Variants in FYN observed in about 807,000 individuals in gnomAD.
FYN encodes the protein FYN proto-oncogene, Src family tyrosine kinase.
Under a neutral mutation model 70.2 loss-of-function variants are expected in FYN, and 10 were observed. The ratio of observed to expected loss-of-function variants is 0.14; its 90% CI spans 0.09 to 0.24. The LOEUF is 0.24. FYN is among the 10% of genes least tolerant of loss of function. The probability of loss-of-function intolerance (pLI) is 1.00; values close to 1 mark genes in which losing one functional copy is unlikely to be tolerated. For synonymous variants in FYN, 236 were observed against 248.6 expected, an observed-to-expected ratio of 0.95 and a Z score of 0.48; for missense variants, 319 against 673.1, an observed-to-expected ratio of 0.47 and a Z score of 5.82.
intron 1 of FYN, among the ~76,000 whole-genome samples, chr6:111,870,629 T>G (rs1772282894): frequency 6.6e-6 from 1 of 152,216 alleles, no homozygotes; most frequent in Non-Finnish European, 1.5e-5. Flanking sequence ...AATAGACTCA[T>G]GCGAAACATA....
chr6:111,670,224 T>C (rs1753680501), intron 13 of FYN, among the ~76,000 whole-genome samples: 1 of 152,222 alleles, frequency 6.6e-6, no homozygotes, highest in South Asian at 2.1e-4. Flanking sequence ...TGGGACCTCC[T>C]GCTCCCTCTG....
At chr6:111,729,194 C>G (rs1284937111) in intron 3 of FYN, among the ~76,000 whole-genome samples, 1 of 152,208 alleles carries the variant, frequency 6.6e-6, no homozygotes, top group Non-Finnish European at 1.5e-5. Context: ...GCATACTCGG[C>G]CAGGTGTGGT....
At chr6:111,698,218 C>T (rs995457787) in intron 9 of FYN, among the ~76,000 whole-genome samples, 10 of 152,192 alleles carry the variant, frequency 6.6e-5, no homozygotes, top group Non-Finnish European at 1.2e-4. Context: ...ACCGCAACCT[C>T]CACCTCCCAG....
chr6:111,860,610 T>C (rs1773937487), intron 1 of FYN, among the ~76,000 whole-genome samples: 1 of 152,174 alleles, frequency 6.6e-6, no homozygotes, highest in Non-Finnish European at 1.5e-5. Context: ...AATCAAATAA[T>C]GTTTAGGGTT....
intron 1 of FYN, among the ~76,000 whole-genome samples, chr6:111,864,521 C>T (rs917835863): frequency 6.6e-6 from 1 of 151,888 alleles, no homozygotes; most frequent in African/African-American, 2.4e-5. Context: ...ACTGTCCTAC[C>T]CAGCTGGTTC....
At chr6:111,683,279 C>T (rs1472417342) in intron 12 of FYN, among the ~76,000 whole-genome samples, 1 of 152,216 alleles carries the variant, frequency 6.6e-6, no homozygotes. Context: ...GAGAGGCAGC[C>T]GCATTGGAAT....
intron 3 of FYN, among the ~76,000 whole-genome samples, chr6:111,725,568 GA>G (rs1034308203): frequency 2.6e-5 from 4 of 152,168 alleles, no homozygotes; most frequent in African/African-American, 9.7e-5. Flanking sequence ...CTGAAGCAGA[GA>G]AAAAGTCACT....
intron 3 of FYN, among the ~76,000 whole-genome samples, chr6:111,768,103 G>A (rs1803303866): frequency 1.3e-5 from 2 of 152,188 alleles, no homozygotes; most frequent in Non-Finnish European, 2.9e-5. Flanking sequence ...GGGAATATGT[G>A]CATGTATGTG....
intron 1 of FYN, among the ~76,000 whole-genome samples, chr6:111,853,217 G>A (rs1001678028): frequency 6.6e-6 from 1 of 152,204 alleles, no homozygotes; most frequent in Admixed American, 6.5e-5. Flanking sequence ...TTTATGCATT[G>A]TAAGACTTCC....
chr6:111,678,872 C>T (rs1227723831), intron 12 of FYN, among the ~76,000 whole-genome samples: 3 of 152,152 alleles, frequency 2.0e-5, no homozygotes, highest in Non-Finnish European at 4.4e-5. Flanking sequence ...GATCTCTGTG[C>T]TCTCCTGCTT....
chr6:111,774,707 T>C (rs893063200), intron 3 of FYN, among the ~76,000 whole-genome samples: 2 of 151,904 alleles, frequency 1.3e-5, no homozygotes, highest in African/African-American at 4.8e-5. Context: ...CCCCCCTACT[T>C]ATTAAGGGGA....
At chr6:111,686,374 C>T (rs1799006768) in intron 12 of FYN, among the ~76,000 whole-genome samples, 1 of 152,154 alleles carries the variant, frequency 6.6e-6, no homozygotes, top group Non-Finnish European at 1.5e-5. Context: ...CTCAGCTCAG[C>T]GGGAAAGCCG....
intron 1 of FYN, among the ~76,000 whole-genome samples, chr6:111,854,061 ACAGT>A (rs1159051425): frequency 6.6e-6 from 1 of 152,174 alleles, no homozygotes; most frequent in African/African-American, 2.4e-5. Context: ...GTCGCAGCAG[ACAGT>A]CAGGTTAAGC....
At chr6:111,776,583 T>C (rs1364746816) in intron 3 of FYN, among the ~76,000 whole-genome samples, 2 of 152,162 alleles carry the variant, frequency 1.3e-5, no homozygotes, top group Non-Finnish European at 2.9e-5. Context: ...TGAAGGGTAG[T>C]AAAGTTGAGA....
At chr6:111,831,872 A>G (rs919672609) in intron 2 of FYN, among the ~76,000 whole-genome samples, 17 of 152,180 alleles carry the variant, frequency 1.1e-4, no homozygotes, top group African/African-American at 4.1e-4. Flanking sequence ...CTGGTGTCTG[A>G]TAGATTAAAT....
intron 3 of FYN, among the ~76,000 whole-genome samples, chr6:111,741,524 T>TAAC (rs3066867): frequency 0.94 from 142,961 of 152,162 alleles, 67,331 homozygotes; most frequent in East Asian, 1. Context: ...TCATTTTTTA[T>TAAC]AACAGTGTGT....
chr6:111,722,993 C>T (rs1241680381), intron 3 of FYN, among the ~76,000 whole-genome samples: 2 of 152,180 alleles, frequency 1.3e-5, no homozygotes, highest in African/African-American at 4.8e-5. Context: ...TAAAGAGTGA[C>T]ATGAAGTGCT....
intron 12 of FYN, among the ~76,000 whole-genome samples, chr6:111,675,579 G>A (rs1315624240): frequency 6.6e-6 from 1 of 151,984 alleles, no homozygotes; most frequent in Non-Finnish European, 1.5e-5. Context: ...GGTCATTTGA[G>A]GTCAGGAGTT....
intron 3 of FYN, among the ~76,000 whole-genome samples, chr6:111,721,137 G>A (rs1271544533): frequency 6.6e-6 from 1 of 152,076 alleles, no homozygotes. Context: ...ATAAGGCACC[G>A]CTTCCTCTGC....
Sources: gnomAD v4.1 joint callset for allele counts (sites outside exome capture counted in the v4.1 genomes callset) on GRCh38, gnomAD v4.1.1 for gene constraint, MANE v1.5 for transcripts, NCBI Gene and HGNC (gene_info 2026-07-23, HGNC 2026-07-21) for gene names.